Variants in CD38 observed in about 807,000 individuals in gnomAD.
CD38 encodes the protein CD38 molecule, also known as ADP-ribosyl cyclase/cyclic ADP-ribose hydrolase 1.
A neutral mutation model predicts 36.3 loss-of-function variants in CD38; 31 were observed. The observed-to-expected ratio is 0.85, with a 90% confidence interval of 0.64 to 1.15. The LOEUF (loss-of-function observed/expected upper bound fraction) is 1.15, where lower values mean the gene tolerates loss of function less well. CD38 is among the 50% of genes most tolerant of loss of function. CD38 has a pLI of 0.00. For missense variants in CD38, 380 were observed against 371.9 expected (o/e 1.02, Z -0.18); for synonymous variants, 131 against 135.2 (o/e 0.97, Z 0.22).
chr4:15,789,688 G>A (rs867767739), intron 1 of CD38, among the ~76,000 whole-genome samples: 4 of 151,952 alleles, frequency 2.6e-5, no homozygotes, highest in South Asian at 2.1e-4. Flanking sequence ...TGATTAATAC[G>A]CTAATGGGTT....
chr4:15,821,755 AC>A (rs1162725854), intron 2 of CD38, among the ~76,000 whole-genome samples: 4 of 151,656 alleles, frequency 2.6e-5, no homozygotes, highest in African/African-American at 9.7e-5. Context: ...TACCAGATTT[AC>A]AAAGAGGAGC....
At chr4:15,794,520 G>A (rs1310467195) in intron 1 of CD38, among the ~76,000 whole-genome samples, 1 of 152,198 alleles carries the variant, frequency 6.6e-6, no homozygotes, top group Non-Finnish European at 1.5e-5. Flanking sequence ...GCTTGTTCAA[G>A]TGATTCTGAT....
At chr4:15,828,715 G>C (rs748723020) in intron 3 of CD38, among the ~76,000 whole-genome samples, 1 of 151,988 alleles carries the variant, frequency 6.6e-6, no homozygotes, top group Non-Finnish European at 1.5e-5. Context: ...TTATCCATTC[G>C]TCTATTGATG....
intron 1 of CD38, among the ~76,000 whole-genome samples, chr4:15,788,685 G>A (rs746288798): frequency 1.3e-5 from 2 of 152,186 alleles, no homozygotes; most frequent in African/African-American, 2.4e-5. Context: ...ATAGGCAAGA[G>A]TAACAGCTGA....
At chr4:15,784,011 C>T (rs1358016550) in intron 1 of CD38, among the ~76,000 whole-genome samples, 1 of 152,158 alleles carries the variant, frequency 6.6e-6, no homozygotes, top group Non-Finnish European at 1.5e-5. Flanking sequence ...GCATTGATCT[C>T]CAGGATCCTG....
intron 2 of CD38, among the ~76,000 whole-genome samples, chr4:15,817,447 C>T (rs1202430119): frequency 6.6e-6 from 1 of 152,212 alleles, no homozygotes; most frequent in African/African-American, 2.4e-5. Flanking sequence ...ATTCACTAGG[C>T]GTGATGCCCT....
chr4:15,824,174 T>C (rs1723797963), intron 2 of CD38, among the ~76,000 whole-genome samples: 1 of 151,916 alleles, frequency 6.6e-6, no homozygotes, highest in Non-Finnish European at 1.5e-5. Context: ...GTGAGAACAT[T>C]AGGACAAATA....
intron 5 of CD38, among the ~76,000 whole-genome samples, chr4:15,839,131 A>G (rs1308323840): frequency 1.3e-5 from 2 of 152,168 alleles, no homozygotes; most frequent in African/African-American, 4.8e-5. Flanking sequence ...TTAATATTTA[A>G]TTCTACAAGG....
chr4:15,820,223 T>A (rs1360640844), intron 2 of CD38, among the ~76,000 whole-genome samples: 1 of 152,162 alleles, frequency 6.6e-6, no homozygotes, highest in Non-Finnish European at 1.5e-5. Flanking sequence ...AAAACCATTA[T>A]CAGCCACTAC....
chr4:15,838,275 ATTAGGGCC>A, intron 5 of CD38, 110 bp downstream of exon 5: 2 of 862,792 alleles, frequency 2.3e-6, no homozygotes, highest in Admixed American at 2.5e-5. Flanking sequence ...AGTTCTGAAG[ATTAGGGCC>A]AAAAAAGGTA....
chr4:15,806,690 C>A (rs537819092), intron 1 of CD38, among the ~76,000 whole-genome samples: 1 of 151,922 alleles, frequency 6.6e-6, no homozygotes, highest in Non-Finnish European at 1.5e-5. Context: ...ATGTACAGGG[C>A]GATAGGGTGA....
chr4:15,831,739 T>G (rs1723963686), intron 3 of CD38, among the ~76,000 whole-genome samples: 1 of 152,186 alleles, frequency 6.6e-6, no homozygotes, highest in African/African-American at 2.4e-5. Flanking sequence ...CTTTGGGAGT[T>G]TGATTATCAA....
intron 1 of CD38, among the ~76,000 whole-genome samples, chr4:15,801,432 C>A (rs1487009646): frequency 6.6e-6 from 1 of 152,044 alleles, no homozygotes. Flanking sequence ...TTCTTCCAAA[C>A]TCATTCTATA....
At chr4:15,841,500 G>T (rs1317423695) in intron 7 of CD38, among the ~76,000 whole-genome samples, 1 of 152,216 alleles carries the variant, frequency 6.6e-6, no homozygotes, top group African/African-American at 2.4e-5. Flanking sequence ...AGTTAGACAG[G>T]AAAACAGAAA....
rs1419276658 is a variant in CD38 at position 15,812,821 on chromosome 4, G to A, written c.234-3690G>A. ...GTGTATTTTTCAATGTTCCAGTCCTGTAATTCTTTGTTATATTTACTCCTA... is the reference window on the plus strand; with the variant it reads ...GTGTATTTTTCAATGTTCCAGTCCTATAATTCTTTGTTATATTTACTCCTA... On this transcript the variant is annotated intron_variant, in intron 1 of 7. Transcript: ENST00000226279. Among the ~76,000 whole-genome samples the A allele has an allele frequency of 3.9e-5, 6 of 152,130 alleles. No individual in the cohort carries two copies. The East Asian group carries it at 1.2e-3, about 29-fold the overall frequency.
chr4:15,791,112 C>T (rs1384982033), intron 1 of CD38, among the ~76,000 whole-genome samples: 2 of 126,292 alleles, frequency 1.6e-5, no homozygotes, highest in African/African-American at 3.6e-5. Context: ...TCTGCCCGGC[C>T]GCCCCTACTG....
intron 2 of CD38, among the ~76,000 whole-genome samples, chr4:15,819,995 C>T (rs573925418): frequency 6.6e-6 from 1 of 152,326 alleles, no homozygotes. Context: ...AACAGCAGAC[C>T]TCTCAGCAGA....
Position 15,778,522 on chromosome 4 carries a change from CG to C in CD38, c.109del (p.Val37TrpfsTer41). 1 of 1,613,522 alleles carries C rather than the reference CG, an allele frequency of 6.2e-7. No homozygotes were observed. The highest frequency in any genetic ancestry group is 1.1e-5 in the South Asian group (1 of 91,072). Reference protein sequence around the residue: ...GVSILVLILVVVLAVVVPRWR... With the variant: ...GVSILVLILVXVLAVVVPRWR... ...TCAGTATCCTGGTCCTGATCCTCGT[CG>C]TGGTGCTCGCGGTGGTCGTCCCGAG... On this transcript the variant is annotated frameshift_variant, in exon 1 of 8. Transcript: ENST00000226279. LOFTEE classifies it high-confidence loss of function. This position sits in a 1 kb window ranked among gnomAD's most constrained non-coding sequence, Gnocchi z 4.9.
In CD38 at chr4:15,792,524, A is replaced by C. The variant is rs551935725; in HGVS notation, c.233+13877A>C. 1.4e-3 allele frequency among the ~76,000 whole-genome samples: 214 copies of C among 152,156 alleles called. 1 individual carries two copies. Among genetic ancestry groups the C allele is most frequent in the African/African-American group, 4.7e-3 (195 of 41,474 alleles). Reference sequence around the variant, plus strand: ...TGTGTTTGGAATGTTCTCTTATGGAAAATTTCAAAGATATGTAAAACTAGG... The same window carrying C: ...TGTGTTTGGAATGTTCTCTTATGGACAATTTCAAAGATATGTAAAACTAGG... On this transcript the variant is annotated intron_variant, in intron 1 of 7. Coordinates refer to ENST00000226279, the MANE Select transcript of CD38 (RefSeq NM_001775.4).
Sources: allele counts gnomAD v4.1 joint callset (sites outside exome capture counted in the v4.1 genomes callset), GRCh38; gene constraint gnomAD v4.1.1; non-coding constraint Gnocchi (gnomAD v3.1); transcripts MANE v1.5; gene names NCBI Gene and HGNC (gene_info 2026-07-23, HGNC 2026-07-21).